The following RRAGD variants were observed in gnomAD, a reference collection of about 807,000 sequenced individuals.
RRAGD encodes the protein ras-related GTP-binding protein D.
RRAGD carries 12 observed loss-of-function variants against 35.5 expected under a neutral mutation model. That is an observed-to-expected ratio of 0.34 (90% CI 0.22 to 0.55). The LOEUF (loss-of-function observed/expected upper bound fraction) is 0.55. Ranked by LOEUF, RRAGD falls within the 20% of genes least tolerant of loss-of-function variation. The probability of loss-of-function intolerance (pLI) is 0.91; values close to 1 mark genes in which losing one functional copy is unlikely to be tolerated. For synonymous variants in RRAGD, 155 were observed against 178.9 expected (o/e 0.87, Z 1.07); for missense variants, 324 against 490.1 (o/e 0.66, Z 3.20).
Position 89,411,789 on chromosome 6 carries a change from A to G in RRAGD, c.148+57T>C. 2 of 1,491,718 alleles carry G rather than the reference A, an allele frequency of 1.3e-6. No homozygotes were observed. Among genetic ancestry groups the G allele is most frequent in the East Asian group, 2.6e-5 (1 of 38,094 alleles). The allele number at this position is 1,491,718 out of a possible 1,614,324, so 92.4% of individuals were successfully genotyped here. A position where few individuals can be genotyped will look rare whatever the true frequency, so the allele number is the denominator to read the frequency against. ...CGCGCACGGCCGGGCTGGGGGCGGG[A>G]AGGCGCCAAGGGGAGGAAAGGGGCG... On this transcript the variant is annotated intron_variant, in intron 1 of 6. Coordinates refer to ENST00000369415, the MANE Select transcript of RRAGD (RefSeq NM_021244.5). The surrounding 1 kb of genome is among the most constrained non-coding windows in gnomAD (Gnocchi z 5.6).
rs1769710224 is a variant in RRAGD at position 89,411,970 on chromosome 6, C to T, written c.24G>A (p.Pro8=). 4 of 1,536,230 alleles carry T rather than the reference C, an allele frequency of 2.6e-6. No individual in the cohort carries two copies. The Admixed American group carries it at 5.9e-5, about 23-fold the overall frequency. MSQVLGK[P]QPQDEDDAEE... ...CCGCGTCGTCCTCGTCCTGCGGCTG[C>T]GGCTTCCCCAGCACCTGGCTCATCG... is the stretch of plus-strand genomic sequence containing the variant. The change falls in exon 1 of 7, where the codon CCG becomes CCA. Residue 8 remains proline, a synonymous_variant. Transcript: ENST00000369415. This position sits in a 1 kb window ranked among gnomAD's most constrained non-coding sequence, Gnocchi z 5.6.
intron 1 of RRAGD, among the ~76,000 whole-genome samples, chr6:89,400,264 CA>C (rs1193481120): frequency 6.6e-6 from 1 of 151,978 alleles, no homozygotes; most frequent in Admixed American, 6.6e-5. Context: ...GATTTAAAAA[CA>C]AAAAACTAGA....
intron 6 of RRAGD, among the ~76,000 whole-genome samples, chr6:89,370,092 G>T (rs1768830248): frequency 6.6e-6 from 1 of 152,158 alleles, no homozygotes; most frequent in Admixed American, 6.5e-5. Flanking sequence ...AGCCCTGACT[G>T]CCATAAAGTG....
chr6:89,373,607 G>T (rs892687968), intron 5 of RRAGD, among the ~76,000 whole-genome samples: 96 of 141,598 alleles, frequency 6.8e-4, no homozygotes, highest in Non-Finnish European at 1.1e-3. Context: ...GACAGAGCAG[G>T]ACTCCGTCTC....
At chr6:89,388,820 G>T (rs1013789724) in intron 1 of RRAGD, among the ~76,000 whole-genome samples, 1 of 152,172 alleles carries the variant, frequency 6.6e-6, no homozygotes, top group Admixed American at 6.5e-5. Context: ...TTGTTTTCCT[G>T]CAACTAGACA....
At chr6:89,379,089 A>G in intron 4 of RRAGD, 135 bp downstream of exon 4, 1 of 537,664 alleles carries the variant, frequency 1.9e-6, no homozygotes, top group Non-Finnish European at 3.3e-6. Flanking sequence ...AAGAACACGT[A>G]GGAGTAATCT....
chr6:89,389,928 T>C (rs1236644243), intron 1 of RRAGD, among the ~76,000 whole-genome samples: 4 of 152,180 alleles, frequency 2.6e-5, no homozygotes, highest in Admixed American at 6.5e-5. Context: ...AAAACAATTA[T>C]TAAAACTAAG....
intron 4 of RRAGD, among the ~76,000 whole-genome samples, chr6:89,379,006 G>A (rs1768996618): frequency 6.6e-6 from 1 of 152,212 alleles, no homozygotes; most frequent in African/African-American, 2.4e-5. Context: ...TCAAGCCATC[G>A]TAACGCCTCA....
At position 89,402,038 on chromosome 6, in the gene RRAGD, A is replaced by ATTTTTTTTTTTTTTTTT; in HGVS notation, c.148+9791_148+9807dup. Among the ~76,000 whole-genome samples the ATTTTTTTTTTTTTTTTT allele has an allele frequency of 9.4e-4, 74 of 78,422 alleles. 9 individuals carry two copies. The East Asian group carries it at 0.012, about 13-fold the overall frequency. The allele number at this position is 78,422 out of a possible 152,430, so 51.4% of individuals were successfully genotyped here. A position where few individuals can be genotyped will look rare whatever the true frequency, so the allele number is the denominator to read the frequency against. On this transcript the variant is annotated intron_variant, in intron 1 of 6. Coordinates refer to ENST00000369415, the MANE Select transcript of RRAGD (RefSeq NM_021244.5). ...TGAAAGCACTGAGGAAATCCTAAGG[A>ATTTTTTTTTTTTTTTTT]TTTTTTTTTTTTTTTTTTTTTTGGT...
Position 89,402,038 on chromosome 6 carries a change from A to ATTTTTTTTTTTTCTTTTTTTT in RRAGD, c.148+9807_148+9808insAAAAAAAAGAAAAAAAAAAAA, listed in dbSNP as rs61239155. ...TGAAAGCACTGAGGAAATCCTAAGG[A>ATTTTTTTTTTTTCTTTTTTTT]TTTTTTTTTTTTTTTTTTTTTTGGT... is the stretch of plus-strand genomic sequence containing the variant. On this transcript the variant is annotated intron_variant, in intron 1 of 6. Coordinates refer to ENST00000369415, the MANE Select transcript of RRAGD (RefSeq NM_021244.5). Among the ~76,000 whole-genome samples the ATTTTTTTTTTTTCTTTTTTTT allele has an allele frequency of 2.5e-5, 2 of 78,440 alleles. 1 individual carries two copies. Among genetic ancestry groups the ATTTTTTTTTTTTCTTTTTTTT allele is most frequent in the African/African-American group, 1.3e-4 (2 of 15,858 alleles). The allele number at this position is 78,440 out of a possible 152,430, so 51.5% of individuals were successfully genotyped here. A position where few individuals can be genotyped will look rare whatever the true frequency, so the allele number is the denominator to read the frequency against.
intron 6 of RRAGD, among the ~76,000 whole-genome samples, chr6:89,368,602 C>T (rs1768798262): frequency 6.6e-6 from 1 of 152,124 alleles, no homozygotes; most frequent in African/African-American, 2.4e-5. Flanking sequence ...TGAGTAGAGG[C>T]AGATCCTGAC....
chr6:89,380,817 G>A (rs922504934), intron 2 of RRAGD, among the ~76,000 whole-genome samples: 1 of 151,252 alleles, frequency 6.6e-6, no homozygotes, highest in African/African-American at 2.4e-5. Context: ...TGAGGCAGGA[G>A]AATTGCTTGA....
chr6:89,375,147 A>C (rs1332850619), intron 5 of RRAGD, among the ~76,000 whole-genome samples: 3 of 152,228 alleles, frequency 2.0e-5, no homozygotes, highest in Non-Finnish European at 4.4e-5. Context: ...CATTATCCTA[A>C]AAATTACACA....
At chr6:89,405,514 A>G (rs1769561783) in intron 1 of RRAGD, among the ~76,000 whole-genome samples, 3 of 151,940 alleles carry the variant, frequency 2.0e-5, no homozygotes, top group Admixed American at 2.0e-4. Context: ...ATGAGCCTTC[A>G]TTTCCTCCTC....
At chr6:89,375,106 G>A (rs887507074) in intron 5 of RRAGD, among the ~76,000 whole-genome samples, 2 of 151,862 alleles carry the variant, frequency 1.3e-5, no homozygotes, top group Non-Finnish European at 2.9e-5. Flanking sequence ...GAAAAAAGCA[G>A]GATGAAAAAT....
intron 1 of RRAGD, among the ~76,000 whole-genome samples, chr6:89,399,588 A>G (rs774937435): frequency 3.3e-5 from 5 of 152,150 alleles, no homozygotes; most frequent in Non-Finnish European, 5.9e-5. Context: ...CCTGGGCAAC[A>G]TGGCAAAACC....
rs552587077 is a variant in RRAGD, at chr6:89,373,300, T to C, written c.903-715A>G. ...TATTTTCTGTAGGTTTTAACTTTTT[T>C]TCAAAATAAAGAGTTAAATAAGATA... is the stretch of plus-strand genomic sequence containing the variant. On this transcript the variant is annotated intron_variant, in intron 5 of 6. Transcript: ENST00000369415. Among the ~76,000 whole-genome samples, 33 of 152,348 alleles carry C rather than the reference T, an allele frequency of 2.2e-4. No homozygotes were observed. The South Asian group carries it at 6.2e-3, about 29-fold the overall frequency.
intron 1 of RRAGD, among the ~76,000 whole-genome samples, chr6:89,391,619 G>A (rs531191298): frequency 4.0e-4 from 61 of 152,172 alleles, no homozygotes; most frequent in Non-Finnish European, 7.5e-4. Flanking sequence ...AATAGAGAGC[G>A]ACTGTTAACT....
intron 1 of RRAGD, among the ~76,000 whole-genome samples, chr6:89,406,898 CT>C (rs1345343613): frequency 1.3e-5 from 2 of 152,192 alleles, no homozygotes; most frequent in African/African-American, 4.8e-5. Context: ...GTGTGCTCCC[CT>C]AGAGGTTTGA....
Sources: gnomAD v4.1 joint callset for allele counts (sites outside exome capture counted in the v4.1 genomes callset) on GRCh38, gnomAD v4.1.1 for gene constraint, Gnocchi (gnomAD v3.1) non-coding constraint, MANE v1.5 for transcripts, NCBI Gene and HGNC (gene_info 2026-07-23, HGNC 2026-07-21) for gene names.